The following PCDHGB5 variants were observed in gnomAD, a reference collection of about 807,000 sequenced individuals.
PCDHGB5 encodes protocadherin gamma-B5.
Under a neutral mutation model 62.9 loss-of-function variants are expected in PCDHGB5, and 48 were observed. The observed-to-expected ratio is 0.76, with a 90% CI of 0.61 to 0.97. PCDHGB5 has a LOEUF of 0.97. Among genes scored for constraint, PCDHGB5 ranks in the 50% least tolerant of loss-of-function variants. PCDHGB5 has a pLI of 0.00. For missense variants in PCDHGB5, 1,118 were observed against 1,198.6 expected, an observed-to-expected ratio of 0.93 and a Z score of 0.99; for synonymous variants, 474 against 511.2, an observed-to-expected ratio of 0.93 and a Z score of 0.98.
intron 1 of PCDHGB5, chr5:141,415,060 G>C (rs1428839232): frequency 1.2e-6 from 2 of 1,613,426 alleles, no homozygotes; most frequent in Admixed American, 1.7e-5. Flanking sequence ...GCACACGGGC[G>C]AGGTGCGCAC....
rs753936459 is a variant in PCDHGB5 at position 141,501,288 on chromosome 5, TATAC to T, written c.2457-4103_2457-4100del. Among the ~76,000 whole-genome samples the T allele has an allele frequency of 4.5e-4, 37 of 81,322 alleles. No homozygotes were observed. The South Asian group carries it at 5.1e-3, about 11-fold the overall frequency. 53.4% of individuals were successfully genotyped at this position (81,322 alleles called of 152,430 possible). A position where few individuals can be genotyped will look rare whatever the true frequency, so the allele number is the denominator to read the frequency against. ...TAGTCCAGTCTATGGGATATTCCCT[TATAC>T]ACACACACACACACACACACACACA... On this transcript the variant is annotated intron_variant, in intron 2 of 3. Coordinates refer to ENST00000617380, the MANE Select transcript of PCDHGB5 (RefSeq NM_018925.3).
At position 141,491,346 on chromosome 5, in the gene PCDHGB5, T is replaced by A. The variant is rs760843553; in HGVS notation, c.2398-3461T>A. ...TCATTGTGGCTCTAGCGACCGTCAG[T>A]CTCTTATCCCTAGTCACCTTCACCT... On this transcript the variant is annotated intron_variant, in intron 1 of 3. Coordinates refer to ENST00000617380, the MANE Select transcript of PCDHGB5 (RefSeq NM_018925.3). This position sits in a 1 kb window ranked among gnomAD's most constrained non-coding sequence, Gnocchi z 6.9. The A allele has an allele frequency of 6.2e-7, 1 of 1,614,088 alleles. No individual in the cohort carries two copies. The highest frequency in any genetic ancestry group is 1.1e-5 in the South Asian group (1 of 91,080).
chr5:141,408,973 T>C (rs754120948), intron 1 of PCDHGB5: 8 of 1,613,718 alleles, frequency 5.0e-6, no homozygotes, highest in South Asian at 1.1e-5. Context: ...ATCTGCCCCC[T>C]GGGTCCCCTG....
intron 1 of PCDHGB5, chr5:141,420,034 C>T (rs373590502): frequency 7.8e-5 from 126 of 1,613,970 alleles, no homozygotes; most frequent in Non-Finnish European, 9.3e-5. Context: ...CTGCAGGAGA[C>T]TGCTTTGAGT....
rs2093887845 is a variant in PCDHGB5, at chr5:141,399,791, C to T, written c.1664C>T (p.Ala555Val). ...TTGGTGGGCGACCGAAACGACAACG[C>T]ACCGCGGGTGCTGTACCCCGCGCTG... Reference protein sequence around the residue: ...RVLVGDRNDNAPRVLYPALGP... With the variant: ...RVLVGDRNDNVPRVLYPALGP... Residue 555 changes from alanine to valine, a missense_variant, in exon 1 of 4, where the codon GCA (alanine) becomes GTA (valine). Transcript: ENST00000617380. 1.2e-6 allele frequency: 2 copies of T among 1,613,128 alleles called. No individual in the cohort carries two copies. Among genetic ancestry groups the T allele is most frequent in the Admixed American group, 1.7e-5 (1 of 59,984 alleles).
rs187164796 is a variant in PCDHGB5, at chr5:141,398,527, A to C, written c.400A>C (p.Thr134Pro). Residue 134 changes from threonine to proline, a missense_variant, in exon 1 of 4, where the codon ACG becomes CCG. Physicochemically the swap from Thr to Pro is conservative, Grantham distance 38. Transcript: ENST00000617380. The part of the protein sequence containing the change: ...EDINDHTPKF[T>P]QNSFELQISE... ...CATTAATGACCACACGCCAAAATTC[A>C]CGCAAAATTCCTTTGAGCTGCAAAT... 1.8e-3 allele frequency: 2,980 copies of C among 1,613,696 alleles called. 47 individuals are homozygous for C. The African/African-American group carries it at 0.033, about 18-fold the overall frequency.
intron 1 of PCDHGB5, chr5:141,423,925 T>C (rs17097293): frequency 0.23 from 286,429 of 1,244,544 alleles, 36,355 homozygotes; most frequent in African/African-American, 0.51. Flanking sequence ...ACTATGCTGG[T>C]TTGGTTTGAA....
chr5:141,414,725 T>C (rs1303775655), intron 1 of PCDHGB5: 8 of 1,613,970 alleles, frequency 5.0e-6, no homozygotes, highest in African/African-American at 1.3e-5. Flanking sequence ...GACACTGGCG[T>C]CCTGTATGCA....
At chr5:141,459,845 T>C (rs914128032) in intron 1 of PCDHGB5, among the ~76,000 whole-genome samples, 1 of 152,232 alleles carries the variant, frequency 6.6e-6, no homozygotes, top group Admixed American at 6.5e-5. Flanking sequence ...TCTATTTGTA[T>C]ATCTTCTTGA....
chr5:141,490,205 C>A lies in PCDHGB5; in HGVS notation c.2398-4602C>A. 1 of 1,614,168 alleles carries A rather than the reference C, an allele frequency of 6.2e-7. No individual in the cohort carries two copies. The highest frequency in any genetic ancestry group is 8.5e-7 in the Non-Finnish European group (1 of 1,180,004). ...CGTTTCTATGAAATTCATGCAAGAG[C>A]CCGTGACCAGGGACAGCCTGCCATG... On this transcript the variant is annotated intron_variant, in intron 1 of 3. Transcript: ENST00000617380. This position sits in a 1 kb window ranked among gnomAD's most constrained non-coding sequence, Gnocchi z 5.4.
chr5:141,469,918 G>T (rs2099215604), intron 1 of PCDHGB5, among the ~76,000 whole-genome samples: 2 of 152,148 alleles, frequency 1.3e-5, no homozygotes, highest in African/African-American at 4.8e-5. Context: ...ACCACCCGAG[G>T]TCAGGAGTTT....
chr5:141,507,522 C>G (rs560304194), intron 3 of PCDHGB5, among the ~76,000 whole-genome samples: 365 of 152,096 alleles, frequency 2.4e-3, no homozygotes, highest in African/African-American at 8.1e-3. Context: ...GCTATGATTC[C>G]AGAGAGGCCA....
Position 141,496,029 on chromosome 5 carries a change from C to T in PCDHGB5, c.2456+1164C>T, listed in dbSNP as rs548231443. ...TTGTCTTTTTTCTCTGAGCCTCTGTCTCTGTCTCTCATTTTTTTGTGCTTG... is the reference window on the plus strand; with the variant it reads ...TTGTCTTTTTTCTCTGAGCCTCTGTTTCTGTCTCTCATTTTTTTGTGCTTG... On this transcript the variant is annotated intron_variant, in intron 2 of 3. Coordinates refer to ENST00000617380, the MANE Select transcript of PCDHGB5 (RefSeq NM_018925.3). Among the ~76,000 whole-genome samples, 3 of 152,088 alleles carry T rather than the reference C, an allele frequency of 2.0e-5. No individual in the cohort carries two copies. In the East Asian group the frequency reaches 5.8e-4, roughly 29 times the overall value.
intron 1 of PCDHGB5, chr5:141,410,167 T>C (rs372848702): frequency 6.2e-7 from 1 of 1,613,652 alleles, no homozygotes; most frequent in African/African-American, 1.3e-5. Context: ...CGCCACTCTC[T>C]GCCACCGCCA....
intron 1 of PCDHGB5, chr5:141,419,876 C>T (rs1219393740): frequency 1.4e-5 from 23 of 1,614,084 alleles, no homozygotes; most frequent in Non-Finnish European, 1.9e-5. Flanking sequence ...AGAGGTACTG[C>T]CGGATTTCAG....
chr5:141,491,291 C>A lies in PCDHGB5; in HGVS notation c.2398-3516C>A. The A allele has an allele frequency of 8.1e-6, 13 of 1,614,152 alleles. No individual in the cohort carries two copies. Among genetic ancestry groups the A allele is most frequent in the Non-Finnish European group, 1.1e-5 (13 of 1,179,974 alleles). On this transcript the variant is annotated intron_variant, in intron 1 of 3. Transcript: ENST00000617380. This position sits in a 1 kb window ranked among gnomAD's most constrained non-coding sequence, Gnocchi z 6.9. The stretch of plus-strand genomic sequence containing the variant: ...AAATCCAGTGACTTCCTCATACACC[C>A]TCCTGAGCGTTCAGACCTTACCCTT...
chr5:141,491,648 T>C lies in PCDHGB5; in HGVS notation c.2398-3159T>C. ...GTTCAGCAGCCCACAGCTCTGGCGC[T>C]GGAGCCTGACGCCATCCGGTCCCGC... On this transcript the variant is annotated intron_variant, in intron 1 of 3. Transcript: ENST00000617380. The surrounding 1 kb of genome is among the most constrained non-coding windows in gnomAD (Gnocchi z 6.9). 2 of 1,613,834 alleles carry C rather than the reference T, an allele frequency of 1.2e-6. No individual in the cohort carries two copies. Among genetic ancestry groups the C allele is most frequent in the South Asian group, 1.1e-5 (1 of 91,082 alleles).
At chr5:141,408,683 G>C in intron 1 of PCDHGB5, 2 of 1,613,906 alleles carry the variant, frequency 1.2e-6, no homozygotes, top group Non-Finnish European at 1.7e-6. Flanking sequence ...CACGGATCCT[G>C]ATATAAACAT....
intron 1 of PCDHGB5, chr5:141,413,000 A>G: frequency 1.7e-6 from 1 of 587,734 alleles, no homozygotes; most frequent in Admixed American, 3.6e-5. Context: ...CCGGATTCTC[A>G]GGGCTTCAAC....
Sources: gnomAD v4.1 joint callset for allele counts (sites outside exome capture counted in the v4.1 genomes callset) on GRCh38, gnomAD v4.1.1 for gene constraint, Gnocchi (gnomAD v3.1) non-coding constraint, MANE v1.5 for transcripts, NCBI Gene and HGNC (gene_info 2026-07-23, HGNC 2026-07-21) for gene names.